The following MAP3K4 variants were observed in gnomAD, a reference collection of about 807,000 sequenced individuals.
MAP3K4 encodes MAP three kinase 1.
Under a neutral mutation model 185.6 loss-of-function variants are expected in MAP3K4, and 67 were observed. That is an observed-to-expected ratio of 0.36 (90% CI 0.30 to 0.44). The LOEUF is 0.44. Ranked by LOEUF, MAP3K4 falls within the 20% of genes least tolerant of loss-of-function variation. MAP3K4 has a pLI of 1.00. For synonymous variants in MAP3K4, 702 were observed against 710.4 expected (o/e 0.99, Z 0.19); for missense variants, 1,551 against 1,995.1 (o/e 0.78, Z 4.24).
In MAP3K4 at chr6:161,070,237, T is replaced by C. The variant is rs548176793; in HGVS notation, c.1708-371T>C. Among the ~76,000 whole-genome samples, 19 of 152,284 alleles carry C rather than the reference T, an allele frequency of 1.2e-4. 1 individual carries two copies. The East Asian group carries it at 1.7e-3, about 14-fold the overall frequency. On this transcript the variant is annotated intron_variant, in intron 3 of 26. Transcript: ENST00000392142. The surrounding 1 kb of genome is among the most constrained non-coding windows in gnomAD (Gnocchi z 4.5). ...AATTTCAGTAATTCTCTGGTTTTTT[T>C]CCCAGTCTAGAGATAGTTGTCGATA... is the stretch of plus-strand genomic sequence containing the variant.
In MAP3K4 at chr6:161,070,897, C is replaced by G. The variant is rs1374464015; in HGVS notation, c.1950+47C>G. On this transcript the variant is annotated intron_variant, in intron 4 of 26. Transcript: ENST00000392142. This position sits in a 1 kb window ranked among gnomAD's most constrained non-coding sequence, Gnocchi z 4.5. ...AAATATTTAGCAATTATTATATTAT[C>G]CTACAGGCTTATCATTTTTATTTTG... 6.8e-7 allele frequency: 1 copy of G among 1,470,240 alleles called. No homozygotes were observed. Among genetic ancestry groups the G allele is most frequent in the East Asian group, 2.4e-5 (1 of 41,512 alleles). 91.1% of individuals were successfully genotyped at this position (1,470,240 alleles called of 1,614,324 possible).
chr6:161,097,853 C>T lies in MAP3K4; in HGVS notation c.3525-425C>T, dbSNP rs139947401. On this transcript the variant is annotated intron_variant, in intron 16 of 26. Coordinates refer to ENST00000392142, the MANE Select transcript of MAP3K4 (RefSeq NM_005922.4). The surrounding 1 kb of genome is among the most constrained non-coding windows in gnomAD (Gnocchi z 4.9). Reference sequence around the variant, plus strand: ...CTGTAATTCCAGCACTTTAGGAGGACGAGGCGGGAGGATCACTTGAGCCCA... The same window carrying T: ...CTGTAATTCCAGCACTTTAGGAGGATGAGGCGGGAGGATCACTTGAGCCCA... Among the ~76,000 whole-genome samples, 1,308 of 151,714 alleles carry T rather than the reference C, an allele frequency of 8.6e-3. 7 individuals carry two copies. Among genetic ancestry groups the T allele is most frequent in the Non-Finnish European group, 0.013 (889 of 67,966 alleles).
At position 161,067,047 on chromosome 6, in the gene MAP3K4, C is replaced by CG. The variant is rs1337974280; in HGVS notation, c.1708-3561_1708-3560insG. On this transcript the variant is annotated intron_variant, in intron 3 of 26. Coordinates refer to ENST00000392142, the MANE Select transcript of MAP3K4 (RefSeq NM_005922.4). This position sits in a 1 kb window ranked among gnomAD's most constrained non-coding sequence, Gnocchi z 6.3. Reference sequence around the variant, plus strand: ...AGCCTTTACTTACACATACCTTAAGCTGTTAACCCTGAATATCTGAGACAG... The same window carrying CG: ...AGCCTTTACTTACACATACCTTAAGCGTGTTAACCCTGAATATCTGAGACAG... Among the ~76,000 whole-genome samples, 4 of 152,166 alleles carry CG rather than the reference C, an allele frequency of 2.6e-5. No individual in the cohort carries two copies. Among genetic ancestry groups the CG allele is most frequent in the African/African-American group, 9.7e-5 (4 of 41,428 alleles).
At chr6:161,040,081 A>G (rs1324366151) in intron 2 of MAP3K4, among the ~76,000 whole-genome samples, 2 of 152,148 alleles carry the variant, frequency 1.3e-5, no homozygotes, top group African/African-American at 4.8e-5. Context: ...GCAAAAGGAC[A>G]GTTCATTTTG....
intron 2 of MAP3K4, among the ~76,000 whole-genome samples, chr6:161,047,920 A>G (rs995755998): frequency 1.3e-5 from 2 of 152,240 alleles, no homozygotes; most frequent in Non-Finnish European, 2.9e-5. Flanking sequence ...ATGATTTTAC[A>G]TGGCAGTATA....
intron 1 of MAP3K4, among the ~76,000 whole-genome samples, chr6:160,993,893 A>G (rs1174012401): frequency 3.9e-5 from 6 of 152,154 alleles, no homozygotes; most frequent in African/African-American, 9.7e-5. Flanking sequence ...TTAATTTTAC[A>G]ATAGAAAAAT....
chr6:161,083,404 G>A (rs933480108), intron 6 of MAP3K4, among the ~76,000 whole-genome samples: 1 of 152,178 alleles, frequency 6.6e-6, no homozygotes, highest in African/African-American at 2.4e-5. Context: ...TGTTGAATAA[G>A]TACATTCTAG....
intron 15 of MAP3K4, among the ~76,000 whole-genome samples, chr6:161,094,805 C>T (rs1363475325): frequency 6.6e-6 from 1 of 152,114 alleles, no homozygotes; most frequent in African/African-American, 2.4e-5. Context: ...ATAAAGCATG[C>T]TATTGTCTTA....
At chr6:161,044,564 T>G (rs1178573894) in intron 2 of MAP3K4, among the ~76,000 whole-genome samples, 1 of 152,136 alleles carries the variant, frequency 6.6e-6, no homozygotes, top group Non-Finnish European at 1.5e-5. Flanking sequence ...CTCCCTTAAG[T>G]CATAAGTCCC....
rs1583143516 is a variant in MAP3K4, at chr6:161,034,572, A to T, written c.343+123A>T. On this transcript the variant is annotated intron_variant, in intron 2 of 26. Coordinates refer to ENST00000392142, the MANE Select transcript of MAP3K4 (RefSeq NM_005922.4). This position sits in a 1 kb window ranked among gnomAD's most constrained non-coding sequence, Gnocchi z 4.4. ...GATTTTAATGCTCCTGTAAAGTTCA[A>T]TTTTTTTTTGAATTATTACCATTAG... The T allele has an allele frequency of 6.9e-5, 39 of 568,576 alleles. No homozygotes were observed. The highest frequency in any genetic ancestry group is 1.4e-4 in the South Asian group (4 of 29,446). 35.2% of individuals were successfully genotyped at this position (568,576 alleles called of 1,614,324 possible). A position where few individuals can be genotyped will look rare whatever the true frequency, so the allele number is the denominator to read the frequency against.
rs1057374883 is a variant in MAP3K4, at chr6:161,061,654, G to A, written c.1708-8954G>A. On this transcript the variant is annotated intron_variant, in intron 3 of 26. Coordinates refer to ENST00000392142, the MANE Select transcript of MAP3K4 (RefSeq NM_005922.4). This position sits in a 1 kb window ranked among gnomAD's most constrained non-coding sequence, Gnocchi z 4.2. ...TCACTAGCCCTATCTCTAGGCAACC[G>A]CTAATCTACTTTCTGTCTCTTAATA... is the stretch of plus-strand genomic sequence containing the variant. Among the ~76,000 whole-genome samples, 5 of 152,122 alleles carry A rather than the reference G, an allele frequency of 3.3e-5. No homozygotes were observed. The highest frequency in any genetic ancestry group is 9.7e-5 in the African/African-American group (4 of 41,410).
intron 25 of MAP3K4, among the ~76,000 whole-genome samples, chr6:161,113,244 A>G (rs1415759939): frequency 6.6e-6 from 1 of 152,232 alleles, no homozygotes; most frequent in Non-Finnish European, 1.5e-5. Flanking sequence ...CCTTCAATGC[A>G]TGTGGCTAAG....
Position 161,111,886 on chromosome 6 carries a change from G to C in MAP3K4, c.4447G>C (p.Gly1483Arg). Reference protein sequence around the residue: ...SSGLIKLGDFGCSVKLKNNAQ... With the variant: ...SSGLIKLGDFRCSVKLKNNAQ... ...TGGATTAATCAAACTGGGAGATTTT[G>C]GATGTTCAGTAAAGCTCAAAAACAA... Residue 1483 changes from glycine to arginine, a missense_variant, in exon 24 of 27, where the codon GGA becomes CGA. Physicochemically the swap from Gly to Arg is moderately radical, Grantham distance 125 (BLOSUM62 -2). Coordinates refer to ENST00000392142, the MANE Select transcript of MAP3K4 (RefSeq NM_005922.4). 1 of 1,614,020 alleles carries C rather than the reference G, an allele frequency of 6.2e-7. No homozygotes were observed. The highest frequency in any genetic ancestry group is 8.5e-7 in the Non-Finnish European group (1 of 1,179,944).
rs1269520365 is a variant in MAP3K4, at chr6:161,091,469, G to T, written c.3064G>T (p.Glu1022Ter). Residue 1022 changes from glutamate (E) to a stop codon, truncating the protein, a stop_gained, in exon 12 of 27, where the codon GAA (glutamate) becomes TAA (stop). Coordinates refer to ENST00000392142, the MANE Select transcript of MAP3K4 (RefSeq NM_005922.4). LOFTEE classifies it high-confidence loss of function. The surrounding 1 kb of genome is among the most constrained non-coding windows in gnomAD (Gnocchi z 5.5). ...ATCAGAATTTGATGCTGAGGTTGATGAATCTGAATCTGTCACCTTGCAACA... is the reference window on the plus strand; with the variant it reads ...ATCAGAATTTGATGCTGAGGTTGATTAATCTGAATCTGTCACCTTGCAACA... ...FTSEFDAEVD[E>*]SESVTLQQYY... The T allele has an allele frequency of 1.9e-6, 3 of 1,613,996 alleles. No homozygotes were observed. Among genetic ancestry groups the T allele is most frequent in the Non-Finnish European group, 2.5e-6 (3 of 1,179,994 alleles).
Position 160,991,900 on chromosome 6 carries a change from C to T in MAP3K4, c.-32C>T, listed in dbSNP as rs1051347718. On this transcript the variant is annotated 5_prime_UTR_variant, in exon 1 of 27. Coordinates refer to ENST00000392142, the MANE Select transcript of MAP3K4 (RefSeq NM_005922.4). This position sits in a 1 kb window ranked among gnomAD's most constrained non-coding sequence, Gnocchi z 5.7. ...CCCCGCGCCAGGCTGCAGCTTACTGCCCGCCGCGGCCATGCGGGGCTCCGT... is the reference window on the plus strand; with the variant it reads ...CCCCGCGCCAGGCTGCAGCTTACTGTCCGCCGCGGCCATGCGGGGCTCCGT... 2.5e-5 allele frequency: 37 copies of T among 1,490,540 alleles called. No homozygotes were observed. In the Middle Eastern group the frequency reaches 9.4e-4, roughly 38 times the overall value. 92.3% of individuals were successfully genotyped at this position (1,490,540 alleles called of 1,614,324 possible).
chr6:161,112,709 G>T lies in MAP3K4; in HGVS notation c.4561G>T (p.Gly1521Cys). 1.2e-6 allele frequency: 2 copies of T among 1,607,968 alleles called. No homozygotes were observed. The highest frequency in any genetic ancestry group is 1.7e-6 in the Non-Finnish European group (2 of 1,177,782). Residue 1521 changes from glycine to cysteine, a missense_variant, in exon 25 of 27, where the codon GGC (glycine) becomes TGC (cysteine). Gly to Cys is a radical substitution (Grantham distance 159). Coordinates refer to ENST00000392142, the MANE Select transcript of MAP3K4 (RefSeq NM_005922.4). The surrounding 1 kb of genome is among the most constrained non-coding windows in gnomAD (Gnocchi z 5.1). Reference sequence around the variant, plus strand: ...AGTCATCACTCGTGCCAAAGGAGAGGGCCATGGGCGTGCGGCCGACATCTG... The same window carrying T: ...AGTCATCACTCGTGCCAAAGGAGAGTGCCATGGGCGTGCGGCCGACATCTG... Reference protein sequence around the residue: ...PEVITRAKGEGHGRAADIWSL... With the variant: ...PEVITRAKGECHGRAADIWSL...
chr6:161,081,336 C>G (rs1785447013), intron 6 of MAP3K4, among the ~76,000 whole-genome samples: 1 of 152,120 alleles, frequency 6.6e-6, no homozygotes, highest in African/African-American at 2.4e-5. Flanking sequence ...GCACACAGAA[C>G]AGCCCCACAA....
At chr6:161,059,359 A>G (rs1784387684) in intron 3 of MAP3K4, among the ~76,000 whole-genome samples, 1 of 151,900 alleles carries the variant, frequency 6.6e-6, no homozygotes, top group Non-Finnish European at 1.5e-5. Context: ...CTGGTCTCGA[A>G]CTCCTGGCCT....
chr6:161,091,349 T>G lies in MAP3K4; in HGVS notation c.2974-30T>G, dbSNP rs1777297762. The G allele has an allele frequency of 1.3e-6, 2 of 1,589,388 alleles. No individual in the cohort carries two copies. Among genetic ancestry groups the G allele is most frequent in the Non-Finnish European group, 1.7e-6 (2 of 1,165,176 alleles). On this transcript the variant is annotated intron_variant, in intron 11 of 26. Coordinates refer to ENST00000392142, the MANE Select transcript of MAP3K4 (RefSeq NM_005922.4). This position sits in a 1 kb window ranked among gnomAD's most constrained non-coding sequence, Gnocchi z 5.5. ...GTAAGTATTGTATGATTTGCTTCATTTTGCATTAATCATGGTTTGGACTCT... is the reference window on the plus strand; with the variant it reads ...GTAAGTATTGTATGATTTGCTTCATGTTGCATTAATCATGGTTTGGACTCT...
Sources: gnomAD v4.1 joint callset for allele counts (sites outside exome capture counted in the v4.1 genomes callset) on GRCh38, gnomAD v4.1.1 for gene constraint, Gnocchi (gnomAD v3.1) non-coding constraint, MANE v1.5 for transcripts, NCBI Gene and HGNC (gene_info 2026-07-23, HGNC 2026-07-21) for gene names.